RIMS2: variants seen among roughly 807,000 people sequenced by gnomAD.
The protein encoded by RIMS2 is regulating synaptic membrane exocytosis 2, also known as regulating synaptic membrane exocytosis protein 2.
RIMS2 carries 59 observed loss-of-function variants against 174.4 expected under a neutral mutation model. That is an observed-to-expected ratio of 0.34 (90% CI 0.27 to 0.42). The LOEUF (loss-of-function observed/expected upper bound fraction) is 0.42. Ranked by LOEUF, RIMS2 falls within the 10% of genes least tolerant of loss-of-function variation. RIMS2 has a pLI of 1.00. For synonymous variants in RIMS2, 606 were observed against 572.5 expected, an observed-to-expected ratio of 1.06 and a Z score of -0.84; for missense variants, 1,620 against 1,666.3, an observed-to-expected ratio of 0.97 and a Z score of 0.48.
intron 1 of RIMS2, among the ~76,000 whole-genome samples, chr8:103,659,560 A>G (rs1277728220): frequency 6.6e-6 from 1 of 151,730 alleles, no homozygotes; most frequent in Non-Finnish European, 1.5e-5. Context: ...TCTCCCCTAG[A>G]CTCTTCACTG....
chr8:103,750,357 A>G (rs2097870918), intron 2 of RIMS2, among the ~76,000 whole-genome samples: 1 of 152,194 alleles, frequency 6.6e-6, no homozygotes, highest in African/African-American at 2.4e-5. Flanking sequence ...ATATACTATC[A>G]GTTGACAGTT....
intron 10 of RIMS2, chr8:103,927,712 A>G: frequency 4.4e-6 from 3 of 676,632 alleles, no homozygotes; most frequent in South Asian, 1.7e-5. Flanking sequence ...ATTTTGATAA[A>G]TATTGTCATG....
In RIMS2 at chr8:104,068,475, T is replaced by C. The variant is rs1461097058; in HGVS notation, c.3334+53860T>C. On this transcript the variant is annotated intron_variant, in intron 19 of 23. Coordinates refer to ENST00000504942, the Ensembl canonical transcript of RIMS2. The stretch of plus-strand genomic sequence containing the variant: ...GTAAGTCGGACTCAGAAATAAGAAC[T>C]GAACATTAATTTTATGGGTTTTTTT... 6.4e-6 allele frequency: 6 copies of C among 943,494 alleles called. No homozygotes were observed. The South Asian group carries it at 8.8e-5, about 14-fold the overall frequency. The allele number at this position is 943,494 out of a possible 1,614,324, so 58.4% of individuals were successfully genotyped here.
At position 104,023,762 on chromosome 8, in the gene RIMS2, C is replaced by T. The variant is rs146733026; in HGVS notation, c.3334+9147C>T. On this transcript the variant is annotated intron_variant, in intron 19 of 23. Transcript: ENST00000504942. Reference sequence around the variant, plus strand: ...ATCCTTATAAAGAGGTATTTACCACCGTAAGACTGGTTATCAAGAGGACAA... The same window carrying T: ...ATCCTTATAAAGAGGTATTTACCACTGTAAGACTGGTTATCAAGAGGACAA... Among the ~76,000 whole-genome samples the T allele has an allele frequency of 1.2e-4, 18 of 152,052 alleles. No homozygotes were observed. In the East Asian group the frequency reaches 2.3e-3, roughly 20 times the overall value.
intron 3 of RIMS2, among the ~76,000 whole-genome samples, chr8:103,842,251 G>GA (rs2098944241): frequency 1.3e-5 from 2 of 151,924 alleles, no homozygotes; most frequent in South Asian, 2.1e-4. Context: ...CATGTTAAGT[G>GA]AAAAAATACA....
rs541560000 is a variant in RIMS2, at chr8:103,798,064, A to G, written c.698+31527A>G. Among the ~76,000 whole-genome samples, 9 of 152,256 alleles carry G rather than the reference A, an allele frequency of 5.9e-5. No individual in the cohort carries two copies. In the South Asian group the frequency reaches 1.9e-3, roughly 32 times the overall value. On this transcript the variant is annotated intron_variant, in intron 3 of 23. Transcript: ENST00000504942. ...CCAATGGAATCATACTGCAGCAAAT[A>G]TTACTTCAGGTACATAGTCTACAAT...
chr8:103,672,390 A>T (rs1005084816), intron 1 of RIMS2, among the ~76,000 whole-genome samples: 2 of 152,136 alleles, frequency 1.3e-5, no homozygotes, highest in Non-Finnish European at 2.9e-5. Context: ...TAGGTAATTT[A>T]TAAACAAAAT....
chr8:103,982,730 G>T (rs1323807785), intron 16 of RIMS2, among the ~76,000 whole-genome samples: 1 of 152,040 alleles, frequency 6.6e-6, no homozygotes, highest in Non-Finnish European at 1.5e-5. Flanking sequence ...TCAAAAAACT[G>T]GGGATGCAAG....
At chr8:103,799,447 C>T (rs2098588506) in intron 3 of RIMS2, among the ~76,000 whole-genome samples, 1 of 152,084 alleles carries the variant, frequency 6.6e-6, no homozygotes, top group Non-Finnish European at 1.5e-5. Flanking sequence ...TACATGTCTC[C>T]TTATGGACCT....
At chr8:104,189,579 A>ACATTATATATATATATATATTTATGT (rs2098986792) in intron 19 of RIMS2, among the ~76,000 whole-genome samples, 1 of 128,070 alleles carries the variant, frequency 7.8e-6, no homozygotes, top group Non-Finnish European at 1.7e-5. Context: ...CCAAATATAT[A>ACATTATATATATATATATATTTATGT]CATTATATAT....
At chr8:103,581,646 A>G (rs1404602926) in intron 1 of RIMS2, among the ~76,000 whole-genome samples, 2 of 152,206 alleles carry the variant, frequency 1.3e-5, no homozygotes, top group African/African-American at 4.8e-5. Context: ...AAGAGAAGGA[A>G]ATTAAGGACA....
At chr8:104,196,234 G>C (rs2099023652) in intron 19 of RIMS2, among the ~76,000 whole-genome samples, 1 of 151,994 alleles carries the variant, frequency 6.6e-6, no homozygotes, top group Non-Finnish European at 1.5e-5. Context: ...AGTCTGCTTG[G>C]ACATGCAAGA....
chr8:103,975,455 A>T, exon 16 of RIMS2: 1 of 1,613,072 alleles, frequency 6.2e-7, no homozygotes, highest in Non-Finnish European at 8.5e-7. Context: ...CATCGAGTAG[A>T]TGTTATAGGA....
intron 1 of RIMS2, among the ~76,000 whole-genome samples, chr8:103,579,284 C>CACAT (rs2093459151): frequency 6.6e-6 from 1 of 151,542 alleles, no homozygotes; most frequent in African/African-American, 2.4e-5. Flanking sequence ...GACACACACA[C>CACAT]ACACAGACAC....
exon 15 of RIMS2, chr8:103,961,103 G>A: frequency 6.6e-7 from 1 of 1,506,606 alleles, no homozygotes; most frequent in South Asian, 1.1e-5. Flanking sequence ...CTCTGACTAT[G>A]ACTGTGATGA....
At chr8:104,164,984 G>T (rs1461989334) in intron 19 of RIMS2, among the ~76,000 whole-genome samples, 1 of 151,938 alleles carries the variant, frequency 6.6e-6, no homozygotes, top group Non-Finnish European at 1.5e-5. Context: ...AAAAAGAGAT[G>T]GCATTTCATA....
chr8:104,165,739 C>A (rs1470543084), intron 19 of RIMS2, among the ~76,000 whole-genome samples: 1 of 151,728 alleles, frequency 6.6e-6, no homozygotes, highest in Non-Finnish European at 1.5e-5. Context: ...GTTTAGATTC[C>A]ATTTTTATCA....
chr8:103,670,938 C>G (rs377214512), intron 1 of RIMS2, among the ~76,000 whole-genome samples: 1 of 152,212 alleles, frequency 6.6e-6, no homozygotes, highest in East Asian at 1.9e-4. Flanking sequence ...TCTAATGGTA[C>G]CTGCTTACTG....
At chr8:103,587,421 A>AAAG (rs1318516907) in intron 1 of RIMS2, among the ~76,000 whole-genome samples, 2 of 91,660 alleles carry the variant, frequency 2.2e-5, no homozygotes, top group Non-Finnish European at 5.2e-5. Context: ...AGAAAGAAAG[A>AAAG]AAGAAAGAAA....
Sources: gnomAD v4.1 joint callset for allele counts (sites outside exome capture counted in the v4.1 genomes callset) on GRCh38, gnomAD v4.1.1 for gene constraint, MANE v1.5 for transcripts, NCBI Gene and HGNC (gene_info 2026-07-23, HGNC 2026-07-21) for gene names.